MTMR8: variants seen among roughly 807,000 people sequenced by gnomAD.
MTMR8 encodes myotubularin related protein 8.
MTMR8 carries 65 observed loss-of-function variants against 39.3 expected under a neutral mutation model. The ratio of observed to expected loss-of-function variants is 1.65; its 90% CI spans 1.35 to 2.03. The LOEUF (loss-of-function observed/expected upper bound fraction) is 2.03. Ranked by LOEUF, MTMR8 falls within the 30% of genes most tolerant of loss-of-function variation. The pLI is 0.00. For synonymous variants in MTMR8, 245 were observed against 185.2 expected (o/e 1.32, Z -2.62); for missense variants, 777 against 538.9 (o/e 1.44, Z -4.37).
chrX:64,342,129 A>C (rs1335609167), intron 8 of MTMR8, among the ~76,000 whole-genome samples: 1 of 112,312 alleles, frequency 8.9e-6, no homozygotes, highest in African/African-American at 3.2e-5. Context: ...AGACATGTTC[A>C]AGAAAAATAA....
At chrX:64,332,923 CA>C (rs1922980544) in intron 10 of MTMR8, among the ~76,000 whole-genome samples, 3 of 111,517 alleles carry the variant, frequency 2.7e-5, no homozygotes, top group African/African-American at 9.7e-5. Context: ...TTAACTCCTG[CA>C]GACCTCATCT....
rs763707122 is a variant in MTMR8, at chrX:64,328,881, A to T, written c.1372T>A (p.Ser458Thr). 7.9e-5 allele frequency: 94 copies of T among 1,191,498 alleles called. No homozygotes were observed. Among genetic ancestry groups the T allele is most frequent in the Middle Eastern group, 4.6e-4 (2 of 4,312 alleles). Residue 458 changes from serine (S) to threonine (T), a missense_variant, in exon 12 of 14, where the codon TCT (serine) becomes ACT (threonine). By Grantham distance (58) the Ser-to-Thr change is moderately conservative. Coordinates refer to ENST00000374852, the MANE Select transcript of MTMR8 (RefSeq NM_017677.4). ...CTCTGAACCAAGAAAGGCCACACAG[A>T]ATGTGTTTTCTCATAGACTCTGTTA... Reference protein sequence around the residue: ...EDLRVYEKTHSVWPFLVQRKP... With the variant: ...EDLRVYEKTHTVWPFLVQRKP...
chrX:64,309,246 T>G (rs770017379), intron 12 of MTMR8, among the ~76,000 whole-genome samples: 144 of 112,197 alleles, frequency 1.3e-3, no homozygotes, highest in Non-Finnish European at 2.4e-3. Flanking sequence ...GAGCATAGAA[T>G]ATCTCTTCAT....
intron 1 of MTMR8, among the ~76,000 whole-genome samples, chrX:64,359,952 A>C (rs1374199323): frequency 1.8e-5 from 2 of 109,046 alleles, no homozygotes; most frequent in Non-Finnish European, 3.8e-5. Flanking sequence ...AAAGAGAAAA[A>C]CAAAACAAAA....
chrX:64,312,402 C>G (rs1922338479), intron 12 of MTMR8, among the ~76,000 whole-genome samples: 1 of 111,721 alleles, frequency 9.0e-6, no homozygotes, highest in Admixed American at 9.5e-5. Context: ...GGAGCATTCC[C>G]TTTGAAAACC....
chrX:64,394,394 G>A (rs1470390754), intron 1 of MTMR8, among the ~76,000 whole-genome samples: 1 of 112,020 alleles, frequency 8.9e-6, no homozygotes, highest in African/African-American at 3.2e-5. Flanking sequence ...GTTGGTGGGG[G>A]TGCAGTGGGC....
chrX:64,289,670 G>T (rs778145074), intron 12 of MTMR8, among the ~76,000 whole-genome samples: 1 of 91,722 alleles, frequency 1.1e-5, no homozygotes, highest in Admixed American at 1.1e-4. Flanking sequence ...AATTAAGTTG[G>T]GAGCAAGGAC....
intron 4 of MTMR8, among the ~76,000 whole-genome samples, chrX:64,352,469 C>T (rs1034604111): frequency 1.3e-4 from 14 of 111,530 alleles, no homozygotes; most frequent in African/African-American, 4.6e-4. Flanking sequence ...CAACACATTC[C>T]CAGATGTCCA....
Position 64,268,779 on chromosome X carries a change from A to T in MTMR8, c.1873T>A (p.Ser625Thr), listed in dbSNP as rs1022461384. ...IVGSLRAINI[S>T]GDVGISEAMG... ...GCCTCAGAGATGCCCACATCCCCAGAGATATTTATGGCCCTAAGGCTGCCC... is the reference window on the plus strand; with the variant it reads ...GCCTCAGAGATGCCCACATCCCCAGTGATATTTATGGCCCTAAGGCTGCCC... Residue 625 changes from serine (S) to threonine (T), a missense_variant, in exon 14 of 14, where the codon TCT becomes ACT. Physicochemically the swap from Ser to Thr is moderately conservative, Grantham distance 58 (BLOSUM62 1). Coordinates refer to ENST00000374852, the MANE Select transcript of MTMR8 (RefSeq NM_017677.4). 1.7e-6 allele frequency: 2 copies of T among 1,209,711 alleles called. No individual in the cohort carries two copies. Among genetic ancestry groups the T allele is most frequent in the African/African-American group, 3.5e-5 (2 of 56,989 alleles).
intron 1 of MTMR8, among the ~76,000 whole-genome samples, chrX:64,380,645 C>T (rs1924387876): frequency 8.9e-6 from 1 of 112,124 alleles, no homozygotes; most frequent in Admixed American, 9.4e-5. Context: ...GCACAATGTG[C>T]AGGTTAGTTA....
intron 12 of MTMR8, among the ~76,000 whole-genome samples, chrX:64,309,666 G>A (rs1377279963): frequency 9.0e-6 from 1 of 111,339 alleles, no homozygotes; most frequent in East Asian, 2.8e-4. Flanking sequence ...TTAAATTACT[G>A]TCAAACCTTG....
At chrX:64,271,727 G>T (rs7063566) in intron 12 of MTMR8, among the ~76,000 whole-genome samples, 26,881 of 111,605 alleles carry the variant, frequency 0.24, 7,688 homozygotes, top group African/African-American at 0.83. Flanking sequence ...ACTGGCTTCT[G>T]TCTCACCTGT....
intron 12 of MTMR8, among the ~76,000 whole-genome samples, chrX:64,278,333 C>A (rs1240276458): frequency 9.2e-6 from 1 of 109,236 alleles, no homozygotes; most frequent in East Asian, 2.9e-4. Flanking sequence ...AATTCTCAGC[C>A]TTTTTGCACT....
rs766618052 is a variant in MTMR8 at position 64,268,511 on chromosome X, C to A, written c.*26G>T. The A allele has an allele frequency of 8.4e-7, 1 of 1,184,098 alleles. No individual in the cohort carries two copies. The highest frequency in any genetic ancestry group is 2.4e-5 in the Admixed American group (1 of 42,541). ...AATCATTGTAGCTGCTGTAGGTATA[C>A]CTAGCATGGAAGATGAGTAACTAAC... On this transcript the variant is annotated 3_prime_UTR_variant, in exon 14 of 14. Coordinates refer to ENST00000374852, the MANE Select transcript of MTMR8 (RefSeq NM_017677.4).
At chrX:64,348,946 C>T in intron 5 of MTMR8, 152 bp from the exon 6 acceptor site, 1 of 612,242 alleles carries the variant, frequency 1.6e-6, no homozygotes, top group Non-Finnish European at 2.4e-6. Context: ...TAAAGTCATT[C>T]TCCACTGACA....
chrX:64,347,969 T>C (rs1923386641), intron 6 of MTMR8, among the ~76,000 whole-genome samples: 1 of 112,075 alleles, frequency 8.9e-6, no homozygotes, highest in African/African-American at 3.2e-5. Context: ...TCATGCAGCA[T>C]TAGATTATTG....
rs1020188402 is a variant in MTMR8 at position 64,268,890 on chromosome X, G to T, written c.1762C>A (p.Leu588Ile). The change falls in exon 14 of 14, where the codon CTA becomes ATA. Residue 588 changes from leucine (L) to isoleucine (I), a missense_variant. Coordinates refer to ENST00000374852, the MANE Select transcript of MTMR8 (RefSeq NM_017677.4). ...DLNTLMENGTLSREGGLRAQM... is the reference protein window; with the variant it reads ...DLNTLMENGTISREGGLRAQM... ...GCTCGGAGGCCTCCTTCCCTGGATA[G>T]GGTGCCATTCTCCATCAGGGTATTC... 8.3e-7 allele frequency: 1 copy of T among 1,209,759 alleles called. No homozygotes were observed. Among genetic ancestry groups the T allele is most frequent in the African/African-American group, 1.8e-5 (1 of 57,067 alleles).
At chrX:64,299,394 T>C (rs1921754494) in intron 12 of MTMR8, among the ~76,000 whole-genome samples, 1 of 106,935 alleles carries the variant, frequency 9.4e-6, no homozygotes, top group Admixed American at 1.0e-4. Context: ...TCTCTGATGG[T>C]AGTTTTTATT....
intron 12 of MTMR8, among the ~76,000 whole-genome samples, chrX:64,312,421 A>G (rs1922339642): frequency 8.9e-6 from 1 of 111,976 alleles, no homozygotes; most frequent in Non-Finnish European, 1.9e-5. Flanking sequence ...CCAGCACAAG[A>G]CACGGATGCC....
Sources: allele counts gnomAD v4.1 joint callset (sites outside exome capture counted in the v4.1 genomes callset), GRCh38; gene constraint gnomAD v4.1.1; transcripts MANE v1.5; gene names NCBI Gene and HGNC (gene_info 2026-07-23, HGNC 2026-07-21).